Variants in CUX1 observed in about 807,000 individuals in gnomAD.
The protein encoded by CUX1 is protein CASP.
CUX1 carries 31 observed loss-of-function variants against 158.8 expected under a neutral mutation model. The observed-to-expected ratio is 0.20, with a 90% confidence interval of 0.15 to 0.26. The LOEUF (loss-of-function observed/expected upper bound fraction) is 0.26. CUX1 is among the 10% of genes least tolerant of loss of function. CUX1 has a pLI of 1.00. For synonymous variants in CUX1, 879 were observed against 862.1 expected, an observed-to-expected ratio of 1.02 and a Z score of -0.34; for missense variants, 1,589 against 2,014.6, an observed-to-expected ratio of 0.79 and a Z score of 4.04.
At chr7:102,086,538 G>A (rs1412990422) in intron 4 of CUX1, among the ~76,000 whole-genome samples, 2 of 151,674 alleles carry the variant, frequency 1.3e-5, no homozygotes, top group Admixed American at 6.6e-5. Flanking sequence ...TTAGTTAGTG[G>A]TGTTCTTCAA....
chr7:102,085,157 TA>T (rs1167629001), intron 4 of CUX1, among the ~76,000 whole-genome samples: 1 of 152,178 alleles, frequency 6.6e-6, no homozygotes, highest in East Asian at 1.9e-4. Flanking sequence ...CTTAACATGG[TA>T]AAATAATTTG....
At chr7:102,203,371 T>G (rs910170374) in intron 18 of CUX1, among the ~76,000 whole-genome samples, 1 of 152,082 alleles carries the variant, frequency 6.6e-6, no homozygotes, top group Admixed American at 6.5e-5. Context: ...GGTCCCTGCA[T>G]GGCGCCGTCC....
intron 23 of CUX1, among the ~76,000 whole-genome samples, chr7:102,247,220 AAAAAAG>A (rs1800902762): frequency 6.7e-6 from 1 of 150,222 alleles, no homozygotes; most frequent in Non-Finnish European, 1.5e-5. Flanking sequence ...AGGAAAAAAA[AAAAAAG>A]AAAGAAAAAA....
At chr7:102,030,120 T>C (rs1413778471) in intron 3 of CUX1, among the ~76,000 whole-genome samples, 1 of 152,206 alleles carries the variant, frequency 6.6e-6, no homozygotes, top group South Asian at 2.1e-4. Flanking sequence ...TAAGCAATTC[T>C]CCTGCCTCAG....
chr7:102,030,707 A>G (rs1367885353), intron 3 of CUX1, among the ~76,000 whole-genome samples: 5 of 5,852 alleles, frequency 8.5e-4, no homozygotes, highest in African/African-American at 2.0e-3. Context: ...TTTTTTTGAG[A>G]CAGGGTCTCG....
At chr7:102,069,520 G>A (rs750862908) in intron 3 of CUX1, among the ~76,000 whole-genome samples, 21 of 152,128 alleles carry the variant, frequency 1.4e-4, no homozygotes, top group Non-Finnish European at 2.6e-4. Context: ...AGGCTGAGGC[G>A]GGCAGATCAC....
intron 2 of CUX1, among the ~76,000 whole-genome samples, chr7:101,986,818 G>T (rs1274449076): frequency 2.0e-5 from 3 of 152,210 alleles, no homozygotes; most frequent in African/African-American, 7.2e-5. Flanking sequence ...ATGTGAGACT[G>T]TAGAGCTCTA....
intron 2 of CUX1, among the ~76,000 whole-genome samples, chr7:101,980,801 G>A (rs1028083296): frequency 5.3e-5 from 8 of 151,868 alleles, no homozygotes; most frequent in African/African-American, 1.2e-4. Context: ...CCGTCCGCAC[G>A]GATGTACCTG....
At chr7:102,136,153 T>C (rs1227017576) in intron 8 of CUX1, among the ~76,000 whole-genome samples, 2 of 152,162 alleles carry the variant, frequency 1.3e-5, no homozygotes, top group Non-Finnish European at 2.9e-5. Context: ...CAACATATAA[T>C]ATCTGACAAA....
downstream of CUX1, among the ~76,000 whole-genome samples, chr7:102,260,644 G>A (rs113669727): frequency 2.3e-3 from 254 of 110,564 alleles, 1 homozygote; most frequent in African/African-American, 8.5e-3. Flanking sequence ...GGCTGATCTC[G>A]AACTCCTGAC....
intron 1 of CUX1, among the ~76,000 whole-genome samples, chr7:101,833,520 A>C (rs56198850): frequency 7.3e-6 from 1 of 137,226 alleles, no homozygotes; most frequent in Non-Finnish European, 1.5e-5. Flanking sequence ...GTGCCATTCC[A>C]CTCCAGCCTG....
At chr7:101,890,326 G>A (rs1800742714) in intron 1 of CUX1, among the ~76,000 whole-genome samples, 1 of 152,152 alleles carries the variant, frequency 6.6e-6, no homozygotes, top group Admixed American at 6.5e-5. Flanking sequence ...GAAGGGGACA[G>A]GGTGTTAGGT....
intron 3 of CUX1, among the ~76,000 whole-genome samples, chr7:102,050,471 T>C (rs573797184): frequency 2.0e-4 from 30 of 152,172 alleles, no homozygotes; most frequent in Non-Finnish European, 3.5e-4. Context: ...GGGCTGGTGG[T>C]TCCAAATTTT....
rs76335508 is a variant in CUX1, at chr7:102,092,376, T to C, written c.269-4988T>C. 1.6e-3 allele frequency among the ~76,000 whole-genome samples: 251 copies of C among 152,212 alleles called. 2 individuals carry two copies. The highest frequency in any genetic ancestry group is 5.9e-3 in the African/African-American group (246 of 41,540). On this transcript the variant is annotated intron_variant, in intron 4 of 23. Transcript: ENST00000292535. ...GGGTGAATCCTTGCGCTGCCTGGCA[T>C]TACCATCCAGATCTTCATCCCCACT...
At chr7:101,973,797 C>A (rs1262202818) in intron 2 of CUX1, among the ~76,000 whole-genome samples, 2 of 144,166 alleles carry the variant, frequency 1.4e-5, no homozygotes, top group Non-Finnish European at 3.0e-5. Flanking sequence ...GAGACGGAGT[C>A]TCACACTGTC....
At chr7:101,832,155 A>C (rs907064872) in intron 1 of CUX1, among the ~76,000 whole-genome samples, 4 of 152,098 alleles carry the variant, frequency 2.6e-5, no homozygotes, top group African/African-American at 9.7e-5. Flanking sequence ...GAGGGGTGAT[A>C]ATGGAACCAG....
At chr7:102,120,547 A>G (rs1831927814) in intron 8 of CUX1, among the ~76,000 whole-genome samples, 1 of 152,238 alleles carries the variant, frequency 6.6e-6, no homozygotes. Flanking sequence ...ACATACTTAC[A>G]TAGTACGGTT....
At chr7:102,242,982 C>CACAGGTCTGGGCTGGGTGT (rs1800381078) in intron 23 of CUX1, among the ~76,000 whole-genome samples, 1 of 152,002 alleles carries the variant, frequency 6.6e-6, no homozygotes, top group Non-Finnish European at 1.5e-5. Flanking sequence ...ATTTAGTAAT[C>CACAGGTCTGGGCTGGGTGT]ACAGGTCTGG....
chr7:101,818,891 T>A (rs907647467), intron 1 of CUX1: 2 of 152,336 alleles, frequency 1.3e-5, no homozygotes, highest in African/African-American at 4.8e-5. Context: ...CAGACCTCTT[T>A]ATACTGAGAT....
Sources: gnomAD v4.1 joint callset for allele counts (sites outside exome capture counted in the v4.1 genomes callset) on GRCh38, gnomAD v4.1.1 for gene constraint, MANE v1.5 for transcripts, NCBI Gene and HGNC (gene_info 2026-07-23, HGNC 2026-07-21) for gene names.